Variants in NDUFAF2 observed in about 807,000 individuals in gnomAD.
The protein encoded by NDUFAF2 is NADH:ubiquinone oxidoreductase complex assembly factor 2, also known as NADH dehydrogenase [ubiquinone] 1 alpha subcomplex assembly factor 2.
NDUFAF2 carries 13 observed loss-of-function variants against 22.8 expected under a neutral mutation model. That is an observed-to-expected ratio of 0.57 (90% CI 0.37 to 0.91). NDUFAF2 has a LOEUF of 0.91. Ranked by LOEUF, NDUFAF2 falls within the 40% of genes least tolerant of loss-of-function variation. The probability of loss-of-function intolerance (pLI) is 0.01; values close to 1 mark genes in which losing one functional copy is unlikely to be tolerated. For missense variants in NDUFAF2, 162 were observed against 195.2 expected, an observed-to-expected ratio of 0.83 and a Z score of 1.01; for synonymous variants, 53 against 64.2, an observed-to-expected ratio of 0.83 and a Z score of 0.84.
At chr5:61,017,804 C>T (rs1421530291) in intron 1 of NDUFAF2, among the ~76,000 whole-genome samples, 1 of 151,994 alleles carries the variant, frequency 6.6e-6, no homozygotes, top group Non-Finnish European at 1.5e-5. Context: ...GGCTGGAATA[C>T]AGTGGCTTGA....
At chr5:61,107,931 C>T (rs1358706372) in intron 3 of NDUFAF2, among the ~76,000 whole-genome samples, 1 of 149,358 alleles carries the variant, frequency 6.7e-6, no homozygotes, top group Non-Finnish European at 1.5e-5. Flanking sequence ...GTTTTTTGTT[C>T]TTGCGATAGT....
chr5:60,965,191 A>G (rs1179036248), intron 1 of NDUFAF2, among the ~76,000 whole-genome samples: 1 of 152,206 alleles, frequency 6.6e-6, no homozygotes, highest in Non-Finnish European at 1.5e-5. Flanking sequence ...CCTAAAGTAA[A>G]TGATTTCAAA....
intron 3 of NDUFAF2, among the ~76,000 whole-genome samples, 187 bp downstream of exon 3, chr5:61,099,219 A>G (rs1362018290): frequency 6.6e-6 from 1 of 150,778 alleles, no homozygotes; most frequent in Non-Finnish European, 1.5e-5. Flanking sequence ...ATGATAAAAT[A>G]AATGCTCATA....
chr5:61,057,970 T>G (rs1261014265), intron 1 of NDUFAF2, among the ~76,000 whole-genome samples: 1 of 152,198 alleles, frequency 6.6e-6, no homozygotes, highest in Admixed American at 6.5e-5. Flanking sequence ...AATTGAGAAC[T>G]AATGTACCAC....
chr5:61,091,669 A>C (rs1268865676), intron 2 of NDUFAF2, among the ~76,000 whole-genome samples: 1 of 152,158 alleles, frequency 6.6e-6, no homozygotes. Context: ...AAAGTTCTTC[A>C]GTTTAATTAT....
chr5:61,042,030 A>C (rs1378476233), intron 1 of NDUFAF2, among the ~76,000 whole-genome samples: 1 of 152,166 alleles, frequency 6.6e-6, no homozygotes, highest in Non-Finnish European at 1.5e-5. Flanking sequence ...AGGTATGACC[A>C]CGTAGATTTG....
intron 1 of NDUFAF2, among the ~76,000 whole-genome samples, chr5:60,957,709 A>G (rs1446735787): frequency 1.3e-5 from 2 of 152,116 alleles, no homozygotes; most frequent in Admixed American, 6.5e-5. Flanking sequence ...ACTTTGGTAG[A>G]ACTGTATTCA....
At chr5:60,971,322 C>T (rs1421074158) in intron 1 of NDUFAF2, among the ~76,000 whole-genome samples, 1 of 147,150 alleles carries the variant, frequency 6.8e-6, no homozygotes, top group Non-Finnish European at 1.5e-5. Flanking sequence ...GAGTCTGGCT[C>T]TTTCGCCCAG....
At chr5:60,996,663 G>T (rs1751232654) in intron 1 of NDUFAF2, among the ~76,000 whole-genome samples, 1 of 152,194 alleles carries the variant, frequency 6.6e-6, no homozygotes, top group Non-Finnish European at 1.5e-5. Flanking sequence ...GGAGACAAGA[G>T]TGCTACAGGC....
chr5:61,117,371 TAA>T (rs1752924125), intron 3 of NDUFAF2, among the ~76,000 whole-genome samples: 1 of 152,188 alleles, frequency 6.6e-6, no homozygotes, highest in Admixed American at 6.5e-5. Flanking sequence ...ATAATTTTTT[TAA>T]GAGACAGGGT....
intron 1 of NDUFAF2, among the ~76,000 whole-genome samples, chr5:60,963,031 A>G (rs1750712184): frequency 6.6e-6 from 1 of 151,702 alleles, no homozygotes; most frequent in East Asian, 2.0e-4. Context: ...AACTACAGGC[A>G]CGTGCCACCA....
chr5:61,145,838 G>C (rs1032931436), intron 3 of NDUFAF2: 4 of 152,088 alleles, frequency 2.6e-5, no homozygotes, highest in African/African-American at 9.7e-5. Context: ...TCTTCCCTGA[G>C]ATTGGTGGAG....
chr5:61,132,844 T>C (rs1351455755), intron 3 of NDUFAF2, among the ~76,000 whole-genome samples: 1 of 152,228 alleles, frequency 6.6e-6, no homozygotes, highest in Non-Finnish European at 1.5e-5. Flanking sequence ...ATCTGACTGC[T>C]GTACTTCTAG....
At chr5:60,995,906 C>T (rs1751223016) in intron 1 of NDUFAF2, among the ~76,000 whole-genome samples, 1 of 152,148 alleles carries the variant, frequency 6.6e-6, no homozygotes, top group South Asian at 2.1e-4. Context: ...TGTCCCTCCC[C>T]ATTTCAAAGG....
intron 1 of NDUFAF2, among the ~76,000 whole-genome samples, chr5:60,993,280 A>G (rs1025269818): frequency 5.9e-5 from 9 of 151,990 alleles, no homozygotes; most frequent in African/African-American, 2.2e-4. Context: ...TACTCCAGGA[A>G]CCTCAGGCCC....
At chr5:60,982,851 A>G (rs1751005669) in intron 1 of NDUFAF2, among the ~76,000 whole-genome samples, 1 of 152,062 alleles carries the variant, frequency 6.6e-6, no homozygotes, top group Admixed American at 6.6e-5. Context: ...ATAGTGCCGC[A>G]ATAAACATAC....
At chr5:61,073,070 G>T in intron 1 of NDUFAF2, 55 bp from the exon 2 acceptor site, 1 of 1,058,534 alleles carries the variant, frequency 9.4e-7, no homozygotes. Flanking sequence ...ATTAATTGTA[G>T]AACTACTGTA....
chr5:60,988,448 C>T (rs950237253), intron 1 of NDUFAF2, among the ~76,000 whole-genome samples: 1 of 152,010 alleles, frequency 6.6e-6, no homozygotes, highest in Admixed American at 6.6e-5. Context: ...CATATGGAAC[C>T]AAAAAAGAGC....
At chr5:61,145,774 G>T (rs957175896) in intron 3 of NDUFAF2, 16 of 152,154 alleles carry the variant, frequency 1.1e-4, no homozygotes, top group Admixed American at 1.0e-3. Flanking sequence ...TTGACACACC[G>T]ATTTTGATAC....
Sources: gnomAD v4.1 joint callset for allele counts (sites outside exome capture counted in the v4.1 genomes callset) on GRCh38, gnomAD v4.1.1 for gene constraint, MANE v1.5 for transcripts, NCBI Gene and HGNC (gene_info 2026-07-23, HGNC 2026-07-21) for gene names.